CEP152: variants seen among roughly 807,000 people sequenced by gnomAD.
The protein encoded by CEP152 is centrosomal protein 152.
A neutral mutation model predicts 188.9 loss-of-function variants in CEP152; 132 were observed. That is an observed-to-expected ratio of 0.70 (90% CI 0.61 to 0.81). CEP152 has a LOEUF of 0.81. Among genes scored for constraint, CEP152 ranks in the 30% least tolerant of loss-of-function variants. The pLI, the probability that CEP152 is intolerant of heterozygous loss-of-function variation, is 0.00. For missense variants in CEP152, 1,914 were observed against 1,969.8 expected, an observed-to-expected ratio of 0.97 and a Z score of 0.54; for synonymous variants, 649 against 666.6, an observed-to-expected ratio of 0.97 and a Z score of 0.41.
intron 20 of CEP152, among the ~76,000 whole-genome samples, chr15:48,755,147 G>A (rs1894165598): frequency 6.6e-6 from 1 of 151,986 alleles, no homozygotes; most frequent in Admixed American, 6.6e-5. Flanking sequence ...TGGTTTTACT[G>A]AAACTTTCAT....
chr15:48,741,337 T>G (rs1274068360), intron 26 of CEP152: 1 of 1,249,506 alleles, frequency 8.0e-7, no homozygotes, highest in African/African-American at 1.5e-5. Flanking sequence ...CTTCTTTTTC[T>G]CATTCTTTAT....
At chr15:48,734,186 CTG>C (rs1309997865), downstream of CEP152, among the ~76,000 whole-genome samples, 13 of 150,778 alleles carry the variant, frequency 8.6e-5, no homozygotes, top group East Asian at 2.5e-3. Context: ...AATTATAACA[CTG>C]TAATATATAC....
In CEP152 at chr15:48,760,181, T is replaced by G. The variant is rs769506500; in HGVS notation, c.2648A>C (p.Glu883Ala). 1.9e-6 allele frequency: 3 copies of G among 1,614,126 alleles called. No individual in the cohort carries two copies. The highest frequency in any genetic ancestry group is 2.5e-6 in the Non-Finnish European group (3 of 1,179,974). ...ATGCTGTTCTTCCCACTTTTTCTGTTCTGCCTTCACAAGTGCTTGATACTC... is the reference window on the plus strand; with the variant it reads ...ATGCTGTTCTTCCCACTTTTTCTGTGCTGCCTTCACAAGTGCTTGATACTC... Reference protein sequence around the residue: ...LAEYQALVKAEQKKWEEQHEV... With the variant: ...LAEYQALVKAAQKKWEEQHEV... Residue 883 changes from glutamate to alanine, a missense_variant, in exon 19 of 27, where the codon GAA (glutamate) becomes GCA (alanine). Physicochemically the swap from Glu to Ala is moderately radical, Grantham distance 107. Transcript: ENST00000380950.
rs769183858 is a variant in CEP152, at chr15:48,772,654, T to C, written c.1615A>G (p.Lys539Glu). The change falls in exon 13 of 27, where the codon AAA becomes GAA. Residue 539 changes from lysine (K) to glutamate (E), a missense_variant. Lys to Glu is a moderately conservative substitution (Grantham distance 56, BLOSUM62 1). Transcript: ENST00000380950. ...QEEDPNEELS[K>E]DEFILKLKAE... Reference sequence around the variant, plus strand: ...TTTAACTTCAGAATGAACTCATCTTTTGAAAGCTCTTCATTTGGGTCTTCT... The same window carrying C: ...TTTAACTTCAGAATGAACTCATCTTCTGAAAGCTCTTCATTTGGGTCTTCT... 1 of 1,614,024 alleles carries C rather than the reference T, an allele frequency of 6.2e-7. No individual in the cohort carries two copies. The highest frequency in any genetic ancestry group is 1.3e-5 in the African/African-American group (1 of 74,942).
chr15:48,779,849 C>T (rs866725968), intron 12 of CEP152, among the ~76,000 whole-genome samples: 1 of 152,188 alleles, frequency 6.6e-6, no homozygotes, highest in Non-Finnish European at 1.5e-5. Flanking sequence ...TAATGCACTT[C>T]GTTTTTTGCT....
In CEP152 at chr15:48,739,024, A is replaced by G; in HGVS notation, c.4358T>C (p.Leu1453Pro). The G allele has an allele frequency of 6.2e-7, 1 of 1,614,184 alleles. No homozygotes were observed. The highest frequency in any genetic ancestry group is 8.5e-7 in the Non-Finnish European group (1 of 1,180,024). The part of the protein sequence containing the change: ...FQFGDGSCKH[L>P]NSLPRNVSPE... ...AGAAACATTCCTTGGCAAACTGTTT[A>G]GGTGCTTGCAACTACCATCCCCAAA... The change falls in exon 27 of 27, where the codon CTA (leucine) becomes CCA (proline). Residue 1453 changes from leucine (L) to proline (P), a missense_variant. Physicochemically the swap from Leu to Pro is moderately conservative, Grantham distance 98. Transcript: ENST00000380950.
At chr15:48,794,997 C>T (rs973592787) in intron 6 of CEP152, among the ~76,000 whole-genome samples, 15 of 152,142 alleles carry the variant, frequency 9.9e-5, no homozygotes, top group African/African-American at 3.6e-4. Context: ...CCAGGTAAGC[C>T]AGAATATCCA....
At position 48,741,962 on chromosome 15, in the gene CEP152, T is replaced by C. The variant is rs780508317; in HGVS notation, c.3974A>G (p.Asp1325Gly). ...YLICLQQILQDDGKEGAEKKI... is the reference protein window; with the variant it reads ...YLICLQQILQGDGKEGAEKKI... Reference sequence around the variant, plus strand: ...CTGAACTCACCCTTCTTTTCCATCATCCTGCAAAATCTGTTGGAGGCAAAT... The same window carrying C: ...CTGAACTCACCCTTCTTTTCCATCACCCTGCAAAATCTGTTGGAGGCAAAT... The change falls in exon 25 of 27, where the codon GAT (aspartate) becomes GGT (glycine). Residue 1325 changes from aspartate (D) to glycine (G), a missense_variant. Coordinates refer to ENST00000380950, the MANE Select transcript of CEP152 (RefSeq NM_001194998.2). The C allele has an allele frequency of 4.3e-6, 7 of 1,614,216 alleles. No homozygotes were observed. The highest frequency in any genetic ancestry group is 5.9e-6 in the Non-Finnish European group (7 of 1,180,030).
chr15:48,762,606 C>T lies in CEP152; in HGVS notation c.2347G>A (p.Ala783Thr). Residue 783 changes from alanine to threonine, a missense_variant, in exon 18 of 27, where the codon GCA becomes ACA. Coordinates refer to ENST00000380950, the MANE Select transcript of CEP152 (RefSeq NM_001194998.2). ...WQSKLDQTIKAMKKKTLDCGS... is the reference protein window; with the variant it reads ...WQSKLDQTIKTMKKKTLDCGS... ...CAATCTAAGGTCTTCTTTTTCATTG[C>T]CTTTATAGTTTGATCCAGCTTAGAC... 6.2e-7 allele frequency: 1 copy of T among 1,613,916 alleles called. No individual in the cohort carries two copies. Among genetic ancestry groups the T allele is most frequent in the Non-Finnish European group, 8.5e-7 (1 of 1,179,944 alleles).
chr15:48,767,317 T>G lies in CEP152; in HGVS notation c.2147+18A>C, dbSNP rs762829836. The G allele has an allele frequency of 3.1e-6, 5 of 1,614,180 alleles. No individual in the cohort carries two copies. The highest frequency in any genetic ancestry group is 4.2e-6 in the Non-Finnish European group (5 of 1,180,016). ...TAGTCTCTACAGCTTAAAAGGCAGC[T>G]AAACTCTTTATTCTCACCTCAGTTG... On this transcript the variant is annotated intron_variant, in intron 16 of 26. Coordinates refer to ENST00000380950, the MANE Select transcript of CEP152 (RefSeq NM_001194998.2).
intron 22 of CEP152, among the ~76,000 whole-genome samples, chr15:48,747,995 A>G (rs1349486204): frequency 2.0e-5 from 3 of 152,200 alleles, no homozygotes; most frequent in African/African-American, 4.8e-5. Flanking sequence ...CTTAACTTTA[A>G]TAAGAGGTAG....
chr15:48,739,502 T>C (rs1365736725), intron 26 of CEP152, among the ~76,000 whole-genome samples: 2 of 152,196 alleles, frequency 1.3e-5, no homozygotes, highest in Non-Finnish European at 2.9e-5. Context: ...ATCCACTAGA[T>C]AAAGCTTGGT....
intron 20 of CEP152, among the ~76,000 whole-genome samples, chr15:48,755,457 A>C (rs1894185883): frequency 6.6e-6 from 1 of 152,168 alleles, no homozygotes; most frequent in South Asian, 2.1e-4. Context: ...TTTTGAAAAA[A>C]AAATTTTCAG....
At chr15:48,808,471 T>C (rs1898131430) in intron 1 of CEP152, among the ~76,000 whole-genome samples, 1 of 152,008 alleles carries the variant, frequency 6.6e-6, no homozygotes. Flanking sequence ...TATAAAATTA[T>C]TACAAAGAAA....
At position 48,738,953 on chromosome 15, in the gene CEP152, T is replaced by C. The variant is rs1892763023; in HGVS notation, c.4429A>G (p.Lys1477Glu). 1.9e-6 allele frequency: 3 copies of C among 1,613,978 alleles called. No individual in the cohort carries two copies. The East Asian group carries it at 6.7e-5, about 36-fold the overall frequency. ...TTATCACTGAGTAGGTCTTTCTTCT[T>C]GTGCAAACCAAAGCCTCCTTCACCT... ...CEGEGGFGLH[K>E]KKDLLSDNGS... The change falls in exon 27 of 27, where the codon AAG becomes GAG. Residue 1477 changes from lysine to glutamate, a missense_variant. Physicochemically the swap from Lys to Glu is moderately conservative, Grantham distance 56 (BLOSUM62 1). Coordinates refer to ENST00000380950, the MANE Select transcript of CEP152 (RefSeq NM_001194998.2).
chr15:48,738,866 G>T lies in CEP152; in HGVS notation c.4516C>A (p.Pro1506Thr). 2 of 1,614,208 alleles carry T rather than the reference G, an allele frequency of 1.2e-6. No homozygotes were observed. The highest frequency in any genetic ancestry group is 1.7e-6 in the Non-Finnish European group (2 of 1,180,012). ...GGACCAGGGGTACATCTAGGTGAGGGTTTATTTCCTAAGGTTCCAAGAAAG... is the reference window on the plus strand; with the variant it reads ...GGACCAGGGGTACATCTAGGTGAGGTTTTATTTCCTAAGGTTCCAAGAAAG... Reference protein sequence around the residue: ...YPFLGTLGNKPSPRCTPGPSE... With the variant: ...YPFLGTLGNKTSPRCTPGPSE... Residue 1506 changes from proline (P) to threonine (T), a missense_variant, in exon 27 of 27, where the codon CCC (proline) becomes ACC (threonine). Physicochemically the swap from Pro to Thr is conservative, Grantham distance 38 (BLOSUM62 -1). Coordinates refer to ENST00000380950, the MANE Select transcript of CEP152 (RefSeq NM_001194998.2).
At chr15:48,735,325 A>G (rs1892558169), downstream of CEP152, among the ~76,000 whole-genome samples, 1 of 152,264 alleles carries the variant, frequency 6.6e-6, no homozygotes. Flanking sequence ...CAACAATACA[A>G]CATATCAAAA....
chr15:48,790,655 C>T (rs1246985918), intron 8 of CEP152, among the ~76,000 whole-genome samples: 2 of 152,188 alleles, frequency 1.3e-5, no homozygotes, highest in Admixed American at 6.5e-5. Context: ...CAACCTCCGC[C>T]TCCTGGGTTC....
chr15:48,756,580 G>T (rs1445870939), intron 19 of CEP152, 27 bp from the exon 20 acceptor site: 3 of 1,598,354 alleles, frequency 1.9e-6, no homozygotes, highest in Non-Finnish European at 2.5e-6. Flanking sequence ...CATGCATTTT[G>T]AAAGTCTTTA....
Sources: allele counts gnomAD v4.1 joint callset (sites outside exome capture counted in the v4.1 genomes callset), GRCh38; gene constraint gnomAD v4.1.1; transcripts MANE v1.5; gene names NCBI Gene and HGNC (gene_info 2026-07-23, HGNC 2026-07-21).